The following CTNNA3 variants were observed in gnomAD, a reference collection of about 807,000 sequenced individuals.
CTNNA3 encodes catenin alpha 3, also known as catenin alpha-3.
A neutral mutation model predicts 95.7 loss-of-function variants in CTNNA3; 76 were observed. The observed-to-expected ratio is 0.79, with a 90% CI of 0.66 to 0.96. The LOEUF is 0.96. CTNNA3 is among the 40% of genes least tolerant of loss of function. The probability of loss-of-function intolerance (pLI) is 0.00; values close to 1 mark genes in which losing one functional copy is unlikely to be tolerated. For synonymous variants in CTNNA3, 431 were observed against 374.4 expected (o/e 1.15, Z -1.74); for missense variants, 1,191 against 1,089.8 (o/e 1.09, Z -1.31).
At chr10:66,000,898 G>A (rs573683931) in intron 15 of CTNNA3, among the ~76,000 whole-genome samples, 1 of 152,268 alleles carries the variant, frequency 6.6e-6, no homozygotes, top group African/African-American at 2.4e-5. Context: ...TGTGGCTACA[G>A]AGTCCACTTT....
intron 11 of CTNNA3, among the ~76,000 whole-genome samples, chr10:66,425,998 A>AT (rs1293517680): frequency 2.0e-5 from 3 of 152,152 alleles, no homozygotes; most frequent in Non-Finnish European, 4.4e-5. Context: ...TCTACAATGT[A>AT]TTTTTTGTAT....
chr10:66,130,412 C>T (rs1339061232), intron 13 of CTNNA3, among the ~76,000 whole-genome samples: 1 of 147,914 alleles, frequency 6.8e-6, no homozygotes, highest in Non-Finnish European at 1.5e-5. Context: ...AAAACATCAA[C>T]AAAATCAGGA....
At chr10:66,547,279 C>T (rs528287641) in intron 10 of CTNNA3, among the ~76,000 whole-genome samples, 2 of 149,588 alleles carry the variant, frequency 1.3e-5, no homozygotes, top group South Asian at 2.1e-4. Flanking sequence ...ATAGACAGCA[C>T]TAATGATTAA....
intron 5 of CTNNA3, among the ~76,000 whole-genome samples, chr10:67,508,187 A>AT (rs1199285145): frequency 6.6e-6 from 1 of 151,932 alleles, no homozygotes; most frequent in Non-Finnish European, 1.5e-5. Context: ...TAATTTTTGT[A>AT]TTTTATCAGA....
chr10:66,326,031 T>G (rs1015626839), intron 12 of CTNNA3, among the ~76,000 whole-genome samples: 8 of 152,252 alleles, frequency 5.3e-5, no homozygotes, highest in African/African-American at 1.9e-4. Context: ...ACGTAATTGA[T>G]GCAAACTTTA....
At chr10:66,130,388 A>G (rs1045292102) in intron 13 of CTNNA3, among the ~76,000 whole-genome samples, 4 of 152,004 alleles carry the variant, frequency 2.6e-5, no homozygotes, top group Admixed American at 6.6e-5. Context: ...AGACTGAGAC[A>G]CGAAAAACCA....
At chr10:67,434,081 T>C (rs1357842256) in intron 5 of CTNNA3, among the ~76,000 whole-genome samples, 1 of 152,060 alleles carries the variant, frequency 6.6e-6, no homozygotes, top group East Asian at 1.9e-4. Context: ...GTCTTTCTTG[T>C]CTCCTCTATT....
In CTNNA3 at chr10:66,376,058, G is replaced by A. The variant is rs139234069; in HGVS notation, c.1732+3094C>T. On this transcript the variant is annotated intron_variant, in intron 12 of 17. Transcript: ENST00000433211. ...TGGCAAACAGTAAAACTAGGTGGGG[G>A]TTGGAGGTTTGCAACAGCTGCTCTG... Among the ~76,000 whole-genome samples the A allele has an allele frequency of 5.4e-3, 820 of 152,216 alleles. 9 individuals carry two copies. The highest frequency in any genetic ancestry group is 0.014 in the African/African-American group (571 of 41,530).
chr10:66,070,265 C>T (rs1276051573), intron 14 of CTNNA3, among the ~76,000 whole-genome samples: 1 of 152,130 alleles, frequency 6.6e-6, no homozygotes, highest in Non-Finnish European at 1.5e-5. Flanking sequence ...GCAACTTTTA[C>T]TACTGCTGGC....
intron 13 of CTNNA3, among the ~76,000 whole-genome samples, chr10:66,202,809 CA>C (rs2087516205): frequency 6.6e-6 from 1 of 152,150 alleles, no homozygotes; most frequent in Non-Finnish European, 1.5e-5. Context: ...CTCCCTGAGG[CA>C]CATCTGCTAG....
chr10:67,317,871 C>G (rs1324036734), intron 5 of CTNNA3, among the ~76,000 whole-genome samples: 2 of 151,700 alleles, frequency 1.3e-5, no homozygotes, highest in African/African-American at 4.8e-5. Flanking sequence ...TTAAAGTCAG[C>G]TTTAGTTTAT....
chr10:66,815,913 G>A (rs912886439), intron 7 of CTNNA3, among the ~76,000 whole-genome samples: 2 of 152,086 alleles, frequency 1.3e-5, no homozygotes, highest in Non-Finnish European at 2.9e-5. Context: ...AAGAAATAAA[G>A]AGCACCAGTA....
At chr10:67,082,702 TCCTTTTTTCTAAA>T (rs1310986068) in intron 7 of CTNNA3, among the ~76,000 whole-genome samples, 1 of 152,142 alleles carries the variant, frequency 6.6e-6, no homozygotes, top group Non-Finnish European at 1.5e-5. Context: ...TAAAGATACA[TCCTTTTTTCTAAA>T]GATAAAATAA....
intron 11 of CTNNA3, among the ~76,000 whole-genome samples, chr10:66,444,875 T>G (rs1400846653): frequency 2.0e-5 from 3 of 152,114 alleles, no homozygotes; most frequent in Non-Finnish European, 4.4e-5. Flanking sequence ...AGACACAGAC[T>G]GGCAAATTGG....
At chr10:66,197,965 A>G (rs1015389156) in intron 13 of CTNNA3, among the ~76,000 whole-genome samples, 8 of 152,192 alleles carry the variant, frequency 5.3e-5, no homozygotes. Context: ...AAAGGTGAAT[A>G]AAAATCATTA....
At chr10:66,712,586 T>A (rs1000750008) in intron 9 of CTNNA3, among the ~76,000 whole-genome samples, 1 of 145,890 alleles carries the variant, frequency 6.9e-6, no homozygotes, top group Non-Finnish European at 1.5e-5. Context: ...GCTCTCACTC[T>A]CTCTCCCTCT....
At chr10:66,761,212 T>A (rs1052555391) in intron 9 of CTNNA3, among the ~76,000 whole-genome samples, 2 of 152,132 alleles carry the variant, frequency 1.3e-5, no homozygotes, top group Admixed American at 6.6e-5. Flanking sequence ...ACTGGGGCTT[T>A]GCTAAATAGG....
chr10:66,069,986 T>C (rs149782821), intron 14 of CTNNA3, among the ~76,000 whole-genome samples: 310 of 152,304 alleles, frequency 2.0e-3, no homozygotes, highest in African/African-American at 7.0e-3. Flanking sequence ...GCTTTTAGTT[T>C]GAATTTTCTG....
chr10:67,689,667 A>G (rs1431830024), intron 1 of CTNNA3, among the ~76,000 whole-genome samples: 2 of 152,072 alleles, frequency 1.3e-5, no homozygotes, highest in African/African-American at 2.4e-5. Flanking sequence ...CCGGAGCTGA[A>G]TGGCTTTCCT....
Sources: gnomAD v4.1 joint callset for allele counts (sites outside exome capture counted in the v4.1 genomes callset) on GRCh38, gnomAD v4.1.1 for gene constraint, MANE v1.5 for transcripts, NCBI Gene and HGNC (gene_info 2026-07-23, HGNC 2026-07-21) for gene names.